The following WDR11 variants were observed in gnomAD, a reference collection of about 807,000 sequenced individuals.
WDR11 encodes WD repeat domain 11.
WDR11 carries 83 observed loss-of-function variants against 151.2 expected under a neutral mutation model. The observed-to-expected ratio is 0.55, with a 90% CI of 0.46 to 0.66. The LOEUF (loss-of-function observed/expected upper bound fraction) is 0.66. WDR11 is among the 30% of genes least tolerant of loss of function. The probability of loss-of-function intolerance (pLI) is 0.00; values close to 1 mark genes in which losing one functional copy is unlikely to be tolerated. For missense variants in WDR11, 1,301 were observed against 1,480.9 expected, an observed-to-expected ratio of 0.88 and a Z score of 1.99; for synonymous variants, 484 against 533.1, an observed-to-expected ratio of 0.91 and a Z score of 1.27.
At chr10:120,901,763 T>C (rs1402665906) in intron 21 of WDR11, among the ~76,000 whole-genome samples, 1 of 152,248 alleles carries the variant, frequency 6.6e-6, no homozygotes, top group Non-Finnish European at 1.5e-5. Flanking sequence ...TGGGAAACTA[T>C]AGATTTAAAG....
rs914528098 is a variant in WDR11 at position 120,905,389 on chromosome 10, G to A, written c.3264G>A (p.Glu1088=). 1.9e-6 allele frequency: 3 copies of A among 1,614,190 alleles called. No homozygotes were observed. The highest frequency in any genetic ancestry group is 2.2e-5 in the East Asian group (1 of 44,880). Residue 1088 remains glutamate, a synonymous_variant, in exon 26 of 29, where the codon GAG becomes GAA. Transcript: ENST00000263461. ...DACRYLQTYG[E]WNRAAWLAKV... ...GCCGCTACCTGCAGACATACGGCGA[G>A]TGGAATCGGGCTGCATGGCTGGCAA... is the stretch of plus-strand genomic sequence containing the variant.
chr10:120,860,131 A>T lies in WDR11; in HGVS notation c.375A>T (p.Gln125His), dbSNP rs1034535833. The T allele has an allele frequency of 3.1e-6, 5 of 1,614,070 alleles. No homozygotes were observed. The African/African-American group carries it at 6.7e-5, about 22-fold the overall frequency. ...PIQDVQWLWN[Q>H]DASRDLLLAI... is the part of the protein sequence containing the mutation. ...CAGATGTTCAGTGGTTGTGGAATCA[A>T]GATGCTTCCCGCGATTTACTGCTTG... The change falls in exon 4 of 29, where the codon CAA becomes CAT. Residue 125 changes from glutamine to histidine, a missense_variant. Transcript: ENST00000263461.
At chr10:120,857,602 A>G (rs1845993719) in intron 2 of WDR11, among the ~76,000 whole-genome samples, 3 of 152,190 alleles carry the variant, frequency 2.0e-5, no homozygotes, top group Admixed American at 2.0e-4. Context: ...GGAAAACCTT[A>G]AGGCCTGTTC....
chr10:120,871,842 A>G (rs1410703561), intron 10 of WDR11, among the ~76,000 whole-genome samples: 1 of 152,210 alleles, frequency 6.6e-6, no homozygotes, highest in Non-Finnish European at 1.5e-5. Context: ...TTTTGGTGTG[A>G]AATTGTGTAT....
rs1457839223 is a variant in WDR11 at position 120,902,271 on chromosome 10, T to C, written c.2702T>C (p.Leu901Pro). The C allele has an allele frequency of 6.2e-7, 1 of 1,614,150 alleles. No homozygotes were observed. The highest frequency in any genetic ancestry group is 2.2e-5 in the East Asian group (1 of 44,868). Reference protein sequence around the residue: ...LNSLSNDIKKLLLDPEFTLLQ... With the variant: ...LNSLSNDIKKPLLDPEFTLLQ... ...TTCTTCCACAGTGACATAAAGAAAC[T>C]GTTGCTTGATCCAGAATTCACTCTC... The change falls in exon 22 of 29, where the codon CTG (leucine) becomes CCG (proline). Residue 901 changes from leucine to proline, a missense_variant. Leu to Pro is a moderately conservative substitution (Grantham distance 98). Coordinates refer to ENST00000263461, the MANE Select transcript of WDR11 (RefSeq NM_018117.12).
At chr10:120,869,118 T>G (rs950178513) in intron 9 of WDR11, among the ~76,000 whole-genome samples, 1 of 146,074 alleles carries the variant, frequency 6.8e-6, no homozygotes, top group African/African-American at 2.5e-5. Flanking sequence ...TTTTTTTTTT[T>G]TTTTTTTTTT....
chr10:120,871,222 A>C lies in WDR11; in HGVS notation c.1347A>C (p.Glu449Asp). The change falls in exon 10 of 29, where the codon GAA becomes GAC. Residue 449 changes from glutamate to aspartate, a missense_variant. Physicochemically the swap from Glu to Asp is conservative, Grantham distance 45. Coordinates refer to ENST00000263461, the MANE Select transcript of WDR11 (RefSeq NM_018117.12). Reference protein sequence around the residue: ...EEHPRGSILREVHLKFLLTGL... With the variant: ...EEHPRGSILRDVHLKFLLTGL... ...ATCCCAGAGGTTCAATTCTGCGGGA[A>C]GTGCACCTCAAGTTCCTGCTGACGG... The C allele has an allele frequency of 6.2e-7, 1 of 1,614,132 alleles. No homozygotes were observed. The highest frequency in any genetic ancestry group is 1.1e-5 in the South Asian group (1 of 91,076).
chr10:120,908,091 A>AAAT (rs1173092419), intron 28 of WDR11: 1 of 183,372 alleles, frequency 5.5e-6, no homozygotes, highest in Admixed American at 5.3e-5. Flanking sequence ...AAATAAAAAT[A>AAAT]AATAAAAAAA....
chr10:120,907,617 T>TTA (rs1848106824), intron 28 of WDR11: 1 of 150,712 alleles, frequency 6.6e-6, no homozygotes, highest in South Asian at 2.1e-4. Flanking sequence ...TTTTTTTTTT[T>TTA]AACAGAGAAT....
intron 19 of WDR11, chr10:120,899,799 A>C (rs72842628): frequency 8.9e-6 from 5 of 563,798 alleles, no homozygotes; most frequent in African/African-American, 3.8e-5. Flanking sequence ...AAAATAAAAT[A>C]AAAAATCAAA....
At chr10:120,875,047 T>A (rs1324111474) in intron 11 of WDR11, among the ~76,000 whole-genome samples, 1 of 152,020 alleles carries the variant, frequency 6.6e-6, no homozygotes, top group Non-Finnish European at 1.5e-5. Flanking sequence ...CTCCCACTTA[T>A]GAGTGAGAAC....
intron 11 of WDR11, among the ~76,000 whole-genome samples, chr10:120,876,908 A>G (rs1264001894): frequency 6.6e-6 from 1 of 152,082 alleles, no homozygotes; most frequent in Non-Finnish European, 1.5e-5. Context: ...CAGAACCTGA[A>G]CTCTTCACTT....
intron 10 of WDR11, among the ~76,000 whole-genome samples, chr10:120,872,873 AATAAG>A (rs1846595580): frequency 6.6e-6 from 1 of 152,202 alleles, no homozygotes; most frequent in African/African-American, 2.4e-5. Flanking sequence ...TTATTCAGCA[AATAAG>A]ATAATATTGG....
intron 23 of WDR11, 49 bp downstream of exon 23, chr10:120,903,281 T>G (rs751061916): frequency 1.2e-6 from 2 of 1,601,570 alleles, no homozygotes; most frequent in South Asian, 2.2e-5. Flanking sequence ...TCTTGATTAC[T>G]TATATCTTTG....
At chr10:120,891,630 C>T (rs926136498) in intron 19 of WDR11, among the ~76,000 whole-genome samples, 1 of 152,212 alleles carries the variant, frequency 6.6e-6, no homozygotes, top group African/African-American at 2.4e-5. Context: ...CTTTGGTGCA[C>T]ACTCTAGGCT....
intron 19 of WDR11, among the ~76,000 whole-genome samples, chr10:120,897,005 A>G (rs1847639132): frequency 6.6e-6 from 1 of 152,166 alleles, no homozygotes; most frequent in African/African-American, 2.4e-5. Flanking sequence ...CAGAGGCACA[A>G]AAGGTGCAAG....
intron 18 of WDR11, among the ~76,000 whole-genome samples, chr10:120,890,331 G>A (rs1028986285): frequency 3.9e-5 from 6 of 152,102 alleles, no homozygotes; most frequent in Non-Finnish European, 8.8e-5. Context: ...TCCTGCCTCA[G>A]CCTCCCTAGT....
At chr10:120,894,759 C>T (rs1187956002) in intron 19 of WDR11, among the ~76,000 whole-genome samples, 3 of 152,168 alleles carry the variant, frequency 2.0e-5, no homozygotes, top group South Asian at 2.1e-4. Context: ...GAGCAGAATC[C>T]GTGACAAACA....
intron 3 of WDR11, 109 bp downstream of exon 3, chr10:120,858,905 T>G: frequency 7.3e-7 from 1 of 1,371,286 alleles, no homozygotes; most frequent in South Asian, 1.2e-5. Context: ...CAATTCCAAG[T>G]TAGCTCTTGA....
Sources: allele counts gnomAD v4.1 joint callset (sites outside exome capture counted in the v4.1 genomes callset), GRCh38; gene constraint gnomAD v4.1.1; transcripts MANE v1.5; gene names NCBI Gene and HGNC (gene_info 2026-07-23, HGNC 2026-07-21).